CRYBG2: variants seen among roughly 807,000 people sequenced by gnomAD.
The protein encoded by CRYBG2 is crystallin beta-gamma domain containing 2, also known as beta/gamma crystallin domain-containing protein 2.
CRYBG2 carries 106 observed loss-of-function variants against 153.4 expected under a neutral mutation model. That is an observed-to-expected ratio of 0.69 (90% CI 0.59 to 0.81). The LOEUF (loss-of-function observed/expected upper bound fraction) is 0.81, where lower values mean the gene tolerates loss of function less well. Among genes scored for constraint, CRYBG2 ranks in the 30% least tolerant of loss-of-function variants. The pLI is 0.00. For synonymous variants in CRYBG2, 851 were observed against 877.8 expected, an observed-to-expected ratio of 0.97 and a Z score of 0.54; for missense variants, 1,996 against 2,112.0, an observed-to-expected ratio of 0.95 and a Z score of 1.08.
intron 18 of CRYBG2, among the ~76,000 whole-genome samples, chr1:26,323,166 A>G (rs1369015601): frequency 2.7e-5 from 4 of 150,850 alleles, no homozygotes. Context: ...CCGCAGCCTC[A>G]ATCTCCTGGG....
chr1:26,336,403 G>C lies in CRYBG2; in HGVS notation c.4039-33C>G, dbSNP rs924571486. ...TAGGGACCGAATCGAGAATTAGGGA[G>C]GGTGCCGGCCCCTAGCCTTGTCTTC... On this transcript the variant is annotated intron_variant, in intron 12 of 19. Transcript: ENST00000308182. This position sits in a 1 kb window ranked among gnomAD's most constrained non-coding sequence, Gnocchi z 4.9. 2 of 1,611,264 alleles carry C rather than the reference G, an allele frequency of 1.2e-6. No individual in the cohort carries two copies. Among genetic ancestry groups the C allele is most frequent in the Non-Finnish European group, 8.5e-7 (1 of 1,178,704 alleles).
rs144282899 is a variant in CRYBG2 at position 26,324,220 on chromosome 1, C to G, written c.4669G>C (p.Val1557Leu). 1.5e-3 allele frequency: 2,407 copies of G among 1,613,250 alleles called. 4 individuals are homozygous for G. The highest frequency in any genetic ancestry group is 1.7e-3 in the Non-Finnish European group (2,063 of 1,180,000). ...HVEDMKAGRV[V>L]VADPQAGGSC... ...CCTCCAGCTTGGGGGTCGGCGACCA[C>G]CACACGGCCTGCTTTCATGTCCTCC... Residue 1557 changes from valine to leucine, a missense_variant, in exon 18 of 20, where the codon GTG (valine) becomes CTG (leucine). Physicochemically the swap from Val to Leu is conservative, Grantham distance 32. Transcript: ENST00000308182.
At chr1:26,338,546 A>T in intron 6 of CRYBG2, 69 bp from the exon 7 acceptor site, 1 of 1,480,728 alleles carries the variant, frequency 6.8e-7, no homozygotes, top group Non-Finnish European at 9.0e-7. Flanking sequence ...GGTGGGCGGG[A>T]GGGAAGGTTT....
In CRYBG2 at chr1:26,345,888, G is replaced by T; in HGVS notation, c.770C>A (p.Thr257Lys). The T allele has an allele frequency of 1.3e-6, 2 of 1,597,696 alleles. No homozygotes were observed. Among genetic ancestry groups the T allele is most frequent in the Non-Finnish European group, 1.7e-6 (2 of 1,179,600 alleles). Residue 257 changes from threonine (T) to lysine (K), a missense_variant, in exon 2 of 20, where the codon ACG (threonine) becomes AAG (lysine). Transcript: ENST00000308182. ...ACCTGTGCTCCTTGGCCCGCCAGCC[G>T]TGGGCCTGGGCAGGTGACTGGCAGG... The part of the protein sequence containing the change: ...SPPASHLPRP[T>K]AGGPRSTGLG...
In CRYBG2 at chr1:26,346,095, A is replaced by C. The variant is rs2074215399; in HGVS notation, c.563T>G (p.Val188Gly). Residue 188 changes from valine to glycine, a missense_variant, in exon 2 of 20, where the codon GTG (valine) becomes GGG (glycine). Coordinates refer to ENST00000308182, the MANE Select transcript of CRYBG2 (RefSeq NM_001039775.4). This position sits in a 1 kb window ranked among gnomAD's most constrained non-coding sequence, Gnocchi z 4.9. Reference protein sequence around the residue: ...VRTTTVVGGHVDRRMSSSVTV... With the variant: ...VRTTTVVGGHGDRRMSSSVTV... ...CACAGAGCTGCTCATCCGCCGGTCC[A>C]CATGACCTCCCACCACTGTGGTGGT... 8 of 1,576,052 alleles carry C rather than the reference A, an allele frequency of 5.1e-6. No individual in the cohort carries two copies. Among genetic ancestry groups the C allele is most frequent in the Non-Finnish European group, 6.9e-6 (8 of 1,165,524 alleles).
At position 26,336,524 on chromosome 1, in the gene CRYBG2, C is replaced by A. The variant is rs1225824003; in HGVS notation, c.4038+82G>T. ...GCGCCCAGGCAGGTCCTCCAGCCCG[C>A]TACCTCTGCGTGGGGGCGGGGCGCA... On this transcript the variant is annotated intron_variant, in intron 12 of 19. Transcript: ENST00000308182. The surrounding 1 kb of genome is among the most constrained non-coding windows in gnomAD (Gnocchi z 4.9). 5.8e-6 allele frequency: 9 copies of A among 1,544,144 alleles called. No homozygotes were observed. Among genetic ancestry groups the A allele is most frequent in the Non-Finnish European group, 7.0e-6 (8 of 1,143,860 alleles).
rs1383807701 is a variant in CRYBG2, at chr1:26,336,384, C to T, written c.4039-14G>A. On this transcript the variant is annotated splice_polypyrimidine_tract_variant and intron_variant, in intron 12 of 19. Transcript: ENST00000308182. This position sits in a 1 kb window ranked among gnomAD's most constrained non-coding sequence, Gnocchi z 4.9. ...GTGCTCCCCGACCTGAAGGTAGGGA[C>T]CGAATCGAGAATTAGGGAGGGTGCC... The T allele has an allele frequency of 1.2e-6, 2 of 1,612,768 alleles. No individual in the cohort carries two copies. Among genetic ancestry groups the T allele is most frequent in the African/African-American group, 2.7e-5 (2 of 74,864 alleles).
At position 26,343,592 on chromosome 1, in the gene CRYBG2, A is replaced by G. The variant is rs1215975281; in HGVS notation, c.2913+153T>C. Among the ~76,000 whole-genome samples the G allele has an allele frequency of 6.6e-6, 1 of 152,200 alleles. No homozygotes were observed. The highest frequency in any genetic ancestry group is 1.5e-5 in the Non-Finnish European group (1 of 68,030). ...TAGGGATAGGGAGATTGAGGCCCAG[A>G]GAGATGTGGCTTGCACAGGTCAACT... On this transcript the variant is annotated intron_variant, in intron 2 of 19. Coordinates refer to ENST00000308182, the MANE Select transcript of CRYBG2 (RefSeq NM_001039775.4). The surrounding 1 kb of genome is among the most constrained non-coding windows in gnomAD (Gnocchi z 4.1).
intron 1 of CRYBG2, among the ~76,000 whole-genome samples, chr1:26,350,538 GTTAAGAA>G (rs2074275202): frequency 6.6e-6 from 1 of 152,126 alleles, no homozygotes; most frequent in African/African-American, 2.4e-5. Context: ...GCTCAGAGAG[GTTAAGAA>G]ACTTGTCCAA....
rs1176075019 is a variant in CRYBG2 at position 26,344,398 on chromosome 1, C to T, written c.2260G>A (p.Glu754Lys). The change falls in exon 2 of 20, where the codon GAG becomes AAG. Residue 754 changes from glutamate to lysine, a missense_variant. Physicochemically the swap from Glu to Lys is moderately conservative, Grantham distance 56 (BLOSUM62 1). Transcript: ENST00000308182. ...GCGGCCAGGGCCACCTCATCCTCCT[C>T]CCTTGATGTCTCTGTGCACGTCTTG... is the stretch of plus-strand genomic sequence containing the variant. Reference protein sequence around the residue: ...EGKTCTETSREEDEVALAADL... With the variant: ...EGKTCTETSRKEDEVALAADL... 1 of 1,520,970 alleles carries T rather than the reference C, an allele frequency of 6.6e-7. No individual in the cohort carries two copies. The highest frequency in any genetic ancestry group is 2.5e-5 in the East Asian group (1 of 40,638). 94.2% of individuals were successfully genotyped at this position (1,520,970 alleles called of 1,614,324 possible).
chr1:26,331,403 C>T, intron 15 of CRYBG2, 86 bp downstream of exon 15: 2 of 1,547,686 alleles, frequency 1.3e-6, no homozygotes, highest in Non-Finnish European at 1.8e-6. Flanking sequence ...TCAACCCCTG[C>T]ACCAGCACAC....
Position 26,344,652 on chromosome 1 carries a change from A to T in CRYBG2, c.2006T>A (p.Ile669Asn), listed in dbSNP as rs563152160. ...TTTGGGGAGTGAGGTGGCAGGAGCAATTGGGCCTTGAACAGTCTCTTCCTT... is the reference window on the plus strand; with the variant it reads ...TTTGGGGAGTGAGGTGGCAGGAGCATTTGGGCCTTGAACAGTCTCTTCCTT... ...LTKEETVQGP[I>N]APATSLPKQD... The change falls in exon 2 of 20, where the codon ATT becomes AAT. Residue 669 changes from isoleucine (I) to asparagine (N), a missense_variant. By Grantham distance (149) the Ile-to-Asn change is moderately radical. Coordinates refer to ENST00000308182, the MANE Select transcript of CRYBG2 (RefSeq NM_001039775.4). 2 of 1,535,058 alleles carry T rather than the reference A, an allele frequency of 1.3e-6. No individual in the cohort carries two copies. The highest frequency in any genetic ancestry group is 2.4e-5 in the South Asian group (2 of 83,988).
At chr1:26,342,953 G>A in intron 4 of CRYBG2, 70 bp from the exon 5 acceptor site, 1 of 1,586,560 alleles carries the variant, frequency 6.3e-7, no homozygotes, top group Non-Finnish European at 8.6e-7. Flanking sequence ...GGTAGCTGAT[G>A]GGGTTTCTCC....
Position 26,342,874 on chromosome 1 carries a change from C to G in CRYBG2, c.3084G>C (p.Leu1028=). The change falls in exon 5 of 20, where the codon CTG becomes CTC. Residue 1028 remains leucine, a synonymous_variant. Transcript: ENST00000308182. Reference sequence around the variant, plus strand: ...GACCCCGGAACTCTGGCTCTTCGTACAGCACCCAGCTGTGGGCACAGAGAT... The same window carrying G: ...GACCCCGGAACTCTGGCTCTTCGTAGAGCACCCAGCTGTGGGCACAGAGAT... The part of the protein sequence containing the change: ...SIRVVRGCWV[L]YEEPEFRGQK... 1 of 1,614,134 alleles carries G rather than the reference C, an allele frequency of 6.2e-7. No homozygotes were observed. Among genetic ancestry groups the G allele is most frequent in the Non-Finnish European group, 8.5e-7 (1 of 1,180,022 alleles).
chr1:26,343,431 A>G lies in CRYBG2; in HGVS notation c.2914-138T>C. The G allele has an allele frequency of 9.2e-7, 1 of 1,086,908 alleles. No individual in the cohort carries two copies. Among genetic ancestry groups the G allele is most frequent in the African/African-American group, 1.6e-5 (1 of 64,118 alleles). The allele number at this position is 1,086,908 out of a possible 1,614,324, so 67.3% of individuals were successfully genotyped here. Reference sequence around the variant, plus strand: ...GAGCTGGCGCATAGAGGATGCTCACACTTGTTCCCAACCCCCAAGGGCCTC... The same window carrying G: ...GAGCTGGCGCATAGAGGATGCTCACGCTTGTTCCCAACCCCCAAGGGCCTC... On this transcript the variant is annotated intron_variant, in intron 2 of 19. Coordinates refer to ENST00000308182, the MANE Select transcript of CRYBG2 (RefSeq NM_001039775.4). The surrounding 1 kb of genome is among the most constrained non-coding windows in gnomAD (Gnocchi z 4.1).
In CRYBG2 at chr1:26,338,425, G is replaced by T. The variant is rs141805601; in HGVS notation, c.3397C>A (p.Pro1133Thr). Residue 1133 changes from proline (P) to threonine (T), a missense_variant, in exon 7 of 20, where the codon CCT becomes ACT. Transcript: ENST00000308182. ...GCCTCTGAGGTGGGGTACTCTCCAGGTTCCAGGATGTAGGGAGTGTCTTCG... is the reference window on the plus strand; with the variant it reads ...GCCTCTGAGGTGGGGTACTCTCCAGTTTCCAGGATGTAGGGAGTGTCTTCG... ...LFEDTPYILE[P>T]GEYPTSEAWG... is the part of the protein sequence containing the mutation. 640 of 1,613,496 alleles carry T rather than the reference G, an allele frequency of 4.0e-4. 1 individual carries two copies. The highest frequency in any genetic ancestry group is 4.8e-4 in the Non-Finnish European group (565 of 1,179,726).
intron 17 of CRYBG2, among the ~76,000 whole-genome samples, chr1:26,326,524 CA>C (rs1179588316): frequency 7.1e-6 from 1 of 141,788 alleles, no homozygotes; most frequent in Non-Finnish European, 1.5e-5. Context: ...GGCGACAGAG[CA>C]AGAAGACTCT....
Position 26,324,255 on chromosome 1 carries a change from G to A in CRYBG2, c.4634C>T (p.Pro1545Leu), listed in dbSNP as rs142348956. 52 of 1,612,042 alleles carry A rather than the reference G, an allele frequency of 3.2e-5. No homozygotes were observed. Among genetic ancestry groups the A allele is most frequent in the Non-Finnish European group, 3.9e-5 (46 of 1,179,936 alleles). ...NAALGGFLAV[P>L]DHVEDMKAGR... ...TGCTTTCATGTCCTCCACATGGTCCGGCACTGCCAGGAATCCCCCCAGTGC... is the reference window on the plus strand; with the variant it reads ...TGCTTTCATGTCCTCCACATGGTCCAGCACTGCCAGGAATCCCCCCAGTGC... Residue 1545 changes from proline to leucine, a missense_variant, in exon 18 of 20, where the codon CCG (proline) becomes CTG (leucine). By Grantham distance (98) the Pro-to-Leu change is moderately conservative. Coordinates refer to ENST00000308182, the MANE Select transcript of CRYBG2 (RefSeq NM_001039775.4).
At chr1:26,347,340 C>T (rs969452771) in intron 1 of CRYBG2, among the ~76,000 whole-genome samples, 1 of 137,652 alleles carries the variant, frequency 7.3e-6, no homozygotes, top group East Asian at 2.2e-4. Flanking sequence ...GTTACCCAGG[C>T]TGGAGTGCAG....
Sources: allele counts gnomAD v4.1 joint callset (sites outside exome capture counted in the v4.1 genomes callset), GRCh38; gene constraint gnomAD v4.1.1; non-coding constraint Gnocchi (gnomAD v3.1); transcripts MANE v1.5; gene names NCBI Gene and HGNC (gene_info 2026-07-23, HGNC 2026-07-21).